IMMP2L: variants seen among roughly 807,000 people sequenced by gnomAD.
The protein encoded by IMMP2L is inner mitochondrial membrane peptidase subunit 2.
In IMMP2L, 18 loss-of-function variants were observed where a neutral mutation model predicts 19.3. The observed-to-expected ratio is 0.93, with a 90% CI of 0.64 to 1.38. IMMP2L has a LOEUF of 1.38. IMMP2L is among the 40% of genes most tolerant of loss of function. IMMP2L has a pLI of 0.00. For synonymous variants in IMMP2L, 76 were observed against 73.0 expected (o/e 1.04, Z -0.21); for missense variants, 233 against 218.2 (o/e 1.07, Z -0.43).
At chr7:111,353,987 T>C (rs767451128) in intron 3 of IMMP2L, among the ~76,000 whole-genome samples, 2 of 152,048 alleles carry the variant, frequency 1.3e-5, no homozygotes, top group Non-Finnish European at 2.9e-5. Flanking sequence ...TAAAATGGTA[T>C]AAGGAGACAT....
chr7:111,264,244 A>G (rs1562982548), intron 3 of IMMP2L, among the ~76,000 whole-genome samples: 1 of 152,156 alleles, frequency 6.6e-6, no homozygotes, highest in Admixed American at 6.6e-5. Flanking sequence ...GAGATCATGA[A>G]CATCACCTGA....
At chr7:111,423,183 T>TG (rs1835749407) in intron 3 of IMMP2L, among the ~76,000 whole-genome samples, 1 of 151,828 alleles carries the variant, frequency 6.6e-6, no homozygotes, top group South Asian at 2.1e-4. Context: ...AATTCTTTTT[T>TG]GTTGTGTCTC....
intron 3 of IMMP2L, among the ~76,000 whole-genome samples, chr7:110,966,156 A>C (rs1037973572): frequency 1.3e-5 from 2 of 152,068 alleles, no homozygotes; most frequent in Non-Finnish European, 2.9e-5. Context: ...ATGGATTGAA[A>C]CCGTATGTTA....
At chr7:111,124,026 T>G in intron 3 of IMMP2L, 2 of 1,614,086 alleles carry the variant, frequency 1.2e-6, no homozygotes, top group Non-Finnish European at 1.7e-6. Flanking sequence ...TGATGGAAAT[T>G]TGTCTCCCTC....
rs535092631 is a variant in IMMP2L at position 110,847,363 on chromosome 7, T to A, written c.408+39230A>T. ...TGTACTTTTGTACTACCATAAAACA[T>A]GTTTTATCTTAAATATATTTCTTTT... On this transcript the variant is annotated intron_variant, in intron 5 of 5. Coordinates refer to ENST00000405709, the MANE Select transcript of IMMP2L (RefSeq NM_032549.4). 3.3e-5 allele frequency among the ~76,000 whole-genome samples: 5 copies of A among 152,314 alleles called. No individual in the cohort carries two copies. In the East Asian group the frequency reaches 7.7e-4, roughly 24 times the overall value.
intron 3 of IMMP2L, among the ~76,000 whole-genome samples, chr7:111,136,494 G>A (rs1802362687): frequency 6.6e-6 from 1 of 152,122 alleles, no homozygotes; most frequent in South Asian, 2.1e-4. Flanking sequence ...GATTATGCTA[G>A]CCTTTCTCTA....
intron 3 of IMMP2L, among the ~76,000 whole-genome samples, chr7:111,332,504 C>T (rs550759107): frequency 6.6e-6 from 1 of 151,810 alleles, no homozygotes; most frequent in Admixed American, 6.6e-5. Flanking sequence ...TATCTATGTA[C>T]CAAATAATAT....
chr7:111,291,066 T>G (rs1422875969), intron 3 of IMMP2L, among the ~76,000 whole-genome samples: 1 of 152,102 alleles, frequency 6.6e-6, no homozygotes, highest in Admixed American at 6.6e-5. Context: ...TACCTTACTA[T>G]GTGACTTTAA....
chr7:110,785,481 C>T (rs1424075944), intron 5 of IMMP2L, among the ~76,000 whole-genome samples: 2 of 151,840 alleles, frequency 1.3e-5, no homozygotes, highest in African/African-American at 4.8e-5. Flanking sequence ...ATACAATGAG[C>T]TTGGAGAGCA....
At chr7:111,251,227 T>G (rs1312816495) in intron 3 of IMMP2L, among the ~76,000 whole-genome samples, 3 of 152,112 alleles carry the variant, frequency 2.0e-5, no homozygotes, top group African/African-American at 7.2e-5. Context: ...AGAATGGTGA[T>G]TATTAAAAAG....
intron 3 of IMMP2L, among the ~76,000 whole-genome samples, chr7:111,286,512 C>A (rs1038408154): frequency 2.0e-5 from 3 of 152,138 alleles, no homozygotes; most frequent in Non-Finnish European, 4.4e-5. Flanking sequence ...AAGAAAAGGT[C>A]TACTCCCTAG....
chr7:110,902,232 T>C (rs1375847143), intron 4 of IMMP2L, among the ~76,000 whole-genome samples: 4 of 151,848 alleles, frequency 2.6e-5, no homozygotes, highest in African/African-American at 9.7e-5. Flanking sequence ...AAAAATGTGA[T>C]AAATGGTAGA....
At position 110,687,501 on chromosome 7, in the gene IMMP2L, G is replaced by A. The variant is rs139542507; in HGVS notation, c.409-23780C>T. ...AAACAAATAAAAGGTTATAAATAAT[G>A]ACATTCCCTTAGACAATACTTAGGA... On this transcript the variant is annotated intron_variant, in intron 5 of 5. Coordinates refer to ENST00000405709, the MANE Select transcript of IMMP2L (RefSeq NM_032549.4). 3.2e-3 allele frequency among the ~76,000 whole-genome samples: 493 copies of A among 152,088 alleles called. 3 individuals carry two copies. The highest frequency in any genetic ancestry group is 0.011 in the African/African-American group (468 of 41,500).
intron 5 of IMMP2L, among the ~76,000 whole-genome samples, chr7:110,871,316 A>G (rs963711872): frequency 6.6e-6 from 1 of 152,110 alleles, no homozygotes; most frequent in Non-Finnish European, 1.5e-5. Context: ...AGCACTTAAA[A>G]ACACAGGATC....
At chr7:111,010,667 T>G (rs921408099) in intron 3 of IMMP2L, among the ~76,000 whole-genome samples, 1 of 152,094 alleles carries the variant, frequency 6.6e-6, no homozygotes, top group African/African-American at 2.4e-5. Context: ...AACTGGGGTT[T>G]GTGGACATTT....
intron 3 of IMMP2L, among the ~76,000 whole-genome samples, chr7:111,081,267 C>T (rs181391886): frequency 1.3e-5 from 2 of 152,052 alleles, no homozygotes; most frequent in African/African-American, 2.4e-5. Context: ...ATTAAAAATG[C>T]GAGACTGCCA....
rs914861591 is a variant in IMMP2L at position 111,542,422 on chromosome 7, T to C, written c.-3+19429A>G. On this transcript the variant is annotated intron_variant, in intron 1 of 5. Coordinates refer to ENST00000405709, the MANE Select transcript of IMMP2L (RefSeq NM_032549.4). ...TTTAATCTCTACATTAACCTTATTTTTATCCCCATTTTAAAAGATATAAAC... is the reference window on the plus strand; with the variant it reads ...TTTAATCTCTACATTAACCTTATTTCTATCCCCATTTTAAAAGATATAAAC... 2.0e-5 allele frequency among the ~76,000 whole-genome samples: 3 copies of C among 152,106 alleles called. No homozygotes were observed. The East Asian group carries it at 5.8e-4, about 29-fold the overall frequency.
intron 5 of IMMP2L, among the ~76,000 whole-genome samples, chr7:110,791,937 G>A (rs1442471424): frequency 1.3e-5 from 2 of 151,804 alleles, no homozygotes; most frequent in Non-Finnish European, 2.9e-5. Context: ...TCCTCACATG[G>A]TTTTCCCTCC....
intron 4 of IMMP2L, among the ~76,000 whole-genome samples, chr7:110,937,728 T>G (rs145547827): frequency 2.8e-4 from 42 of 152,276 alleles, no homozygotes; most frequent in Middle Eastern, 3.4e-3. Context: ...TTCTTGTTTG[T>G]GAAGATACAA....
Sources: gnomAD v4.1 joint callset for allele counts (sites outside exome capture counted in the v4.1 genomes callset) on GRCh38, gnomAD v4.1.1 for gene constraint, MANE v1.5 for transcripts, NCBI Gene and HGNC (gene_info 2026-07-23, HGNC 2026-07-21) for gene names.